The following ARHGEF38 variants were observed in gnomAD, a reference collection of about 807,000 sequenced individuals.
ARHGEF38 encodes the protein Rho guanine nucleotide exchange factor 38, also known as Rho guanine nucleotide exchange factor (GEF) 38.
In ARHGEF38, 79 loss-of-function variants were observed where a neutral mutation model predicts 79.9. That is an observed-to-expected ratio of 0.99 (90% CI 0.82 to 1.19). The LOEUF (loss-of-function observed/expected upper bound fraction) is 1.19. Ranked by LOEUF, ARHGEF38 falls within the 50% of genes most tolerant of loss-of-function variation. The pLI is 0.00. For synonymous variants in ARHGEF38, 366 were observed against 328.3 expected, an observed-to-expected ratio of 1.11 and a Z score of -1.24; for missense variants, 962 against 907.2, an observed-to-expected ratio of 1.06 and a Z score of -0.78.
At chr4:105,587,329 C>A (rs1727101306) in intron 1 of ARHGEF38, among the ~76,000 whole-genome samples, 1 of 152,122 alleles carries the variant, frequency 6.6e-6, no homozygotes, top group African/African-American at 2.4e-5. Context: ...AACAAAAAAA[C>A]AAATTAGCAA....
chr4:105,619,192 G>T (rs965342682), intron 3 of ARHGEF38, among the ~76,000 whole-genome samples: 2 of 151,842 alleles, frequency 1.3e-5, no homozygotes, highest in African/African-American at 4.8e-5. Context: ...ATCTGGGCTG[G>T]CCTTGCGACT....
intron 2 of ARHGEF38, among the ~76,000 whole-genome samples, chr4:105,605,709 C>T (rs7681991): frequency 1.3e-5 from 2 of 151,974 alleles, no homozygotes; most frequent in Admixed American, 6.6e-5. Context: ...TACCCTGAAA[C>T]GCTTTGTAAT....
At chr4:105,649,740 G>T (rs372385032) in intron 7 of ARHGEF38, among the ~76,000 whole-genome samples, 20 of 152,274 alleles carry the variant, frequency 1.3e-4, no homozygotes, top group African/African-American at 4.8e-4. Flanking sequence ...AGTCTTTGCA[G>T]CTTTCCAACC....
In ARHGEF38 at chr4:105,645,204, T is replaced by C. The variant is rs1431084929; in HGVS notation, c.691T>C (p.Leu231=). The part of the protein sequence containing the change: ...IYMQEGKPNL[L]DMGSLMIKPI... The stretch of plus-strand genomic sequence containing the variant: ...GTATTGTAGAGGCAAACCAAACTTA[T>C]TGGACATGGGCTCTTTGATGATCAA... Residue 231 remains leucine, a synonymous_variant, in exon 6 of 14, where the codon TTG becomes CTG. Coordinates refer to ENST00000420470, the MANE Select transcript of ARHGEF38 (RefSeq NM_001242729.2). 6.6e-6 allele frequency: 10 copies of C among 1,515,952 alleles called. No homozygotes were observed. The highest frequency in any genetic ancestry group is 2.1e-5 in the Admixed American group (1 of 47,470). The allele number at this position is 1,515,952 out of a possible 1,614,324, so 93.9% of individuals were successfully genotyped here. A position where few individuals can be genotyped will look rare whatever the true frequency, so the allele number is the denominator to read the frequency against.
At chr4:105,588,702 A>C (rs539927313) in intron 1 of ARHGEF38, among the ~76,000 whole-genome samples, 9 of 152,330 alleles carry the variant, frequency 5.9e-5, no homozygotes, top group African/African-American at 2.2e-4. Context: ...AAATTTATTT[A>C]ATCCACCACT....
intron 10 of ARHGEF38, among the ~76,000 whole-genome samples, chr4:105,661,787 C>T (rs1308287014): frequency 1.3e-5 from 2 of 152,176 alleles, no homozygotes; most frequent in Non-Finnish European, 2.9e-5. Flanking sequence ...TTTTTCTAAC[C>T]TGTATTACCA....
At chr4:105,594,552 T>A (rs1271996496) in intron 2 of ARHGEF38, among the ~76,000 whole-genome samples, 1 of 152,052 alleles carries the variant, frequency 6.6e-6, no homozygotes, top group African/African-American at 2.4e-5. Context: ...CTCAGACCAC[T>A]CCCAGTAAAA....
At chr4:105,665,316 A>G (rs1203561305) in intron 10 of ARHGEF38, among the ~76,000 whole-genome samples, 1 of 151,928 alleles carries the variant, frequency 6.6e-6, no homozygotes, top group Non-Finnish European at 1.5e-5. Context: ...AACATGGTGA[A>G]ACCCCGTCTC....
intron 2 of ARHGEF38, among the ~76,000 whole-genome samples, chr4:105,606,885 C>T (rs1489105745): frequency 6.6e-6 from 1 of 152,080 alleles, no homozygotes. Flanking sequence ...GGTAGAATTA[C>T]AGGTGACTGT....
At chr4:105,681,800 A>G (rs1731320112), downstream of ARHGEF38, among the ~76,000 whole-genome samples, 1 of 152,220 alleles carries the variant, frequency 6.6e-6, no homozygotes, top group African/African-American at 2.4e-5. Context: ...AACAATCTCA[A>G]GAATTAATCA....
chr4:105,660,455 G>A lies in ARHGEF38; in HGVS notation c.1545+1090G>A, dbSNP rs117669772. ...CATTCTTTTTTTTTTTTTTGGTGGG[G>A]GGGGATGGAGTTTCACTTTTGTTGC... On this transcript the variant is annotated intron_variant, in intron 10 of 13. Transcript: ENST00000420470. Among the ~76,000 whole-genome samples, 203 of 150,420 alleles carry A rather than the reference G, an allele frequency of 1.3e-3. 4 individuals are homozygous for A. In the East Asian group the frequency reaches 0.034, roughly 25 times the overall value.
Position 105,667,484 on chromosome 4 carries a change from C to T in ARHGEF38, c.1929C>T (p.Tyr643=), listed in dbSNP as rs1730794988. 6.5e-7 allele frequency: 1 copy of T among 1,536,286 alleles called. No homozygotes were observed. Among genetic ancestry groups the T allele is most frequent in the South Asian group, 1.2e-5 (1 of 84,058 alleles). ...TTTATTCCTCCTTCCTAAAACCCTA[C>T]AATCCAGCAAAAATGCAGAAAGTGG... ...GYVYSSFLKP[Y]NPAKMQKVDA... is the part of the protein sequence containing the mutation. The change falls in exon 13 of 14, where the codon TAC becomes TAT. Residue 643 remains tyrosine, a synonymous_variant. Coordinates refer to ENST00000420470, the MANE Select transcript of ARHGEF38 (RefSeq NM_001242729.2).
chr4:105,572,979 C>A (rs1726309640), intron 1 of ARHGEF38, among the ~76,000 whole-genome samples: 2 of 152,144 alleles, frequency 1.3e-5, no homozygotes, highest in Non-Finnish European at 2.9e-5. Flanking sequence ...GCTTTTCCCT[C>A]ATGATTAGTG....
At chr4:105,569,189 A>G (rs1726095232) in intron 1 of ARHGEF38, among the ~76,000 whole-genome samples, 1 of 152,188 alleles carries the variant, frequency 6.6e-6, no homozygotes, top group Non-Finnish European at 1.5e-5. Flanking sequence ...ATTCTCAGTG[A>G]CTGCTCAGAA....
chr4:105,617,940 C>T (rs934367867), intron 3 of ARHGEF38, among the ~76,000 whole-genome samples: 2 of 151,946 alleles, frequency 1.3e-5, no homozygotes, highest in Middle Eastern at 3.2e-3. Flanking sequence ...TACCAGATTT[C>T]ACAATCTACA....
chr4:105,659,083 C>A lies in ARHGEF38; in HGVS notation c.1263C>A (p.Thr421=). The A allele has an allele frequency of 6.5e-7, 1 of 1,535,888 alleles. No individual in the cohort carries two copies. The highest frequency in any genetic ancestry group is 8.7e-7 in the Non-Finnish European group (1 of 1,146,764). ...FASHLQRLIL[T]PLSALLSLFP... ...CTCACTTACAGAGACTCATCCTGACCCCCTTGTCAGCCCTGCTGTCCTTAT... is the reference window on the plus strand; with the variant it reads ...CTCACTTACAGAGACTCATCCTGACACCCTTGTCAGCCCTGCTGTCCTTAT... The change falls in exon 10 of 14, where the codon ACC becomes ACA. Residue 421 remains threonine, a synonymous_variant. Transcript: ENST00000420470.
chr4:105,667,302 AAGC>A lies in ARHGEF38; in HGVS notation c.1866_1868del (p.Ser622del). 6.5e-7 allele frequency: 1 copy of A among 1,536,118 alleles called. No homozygotes were observed. Among genetic ancestry groups the A allele is most frequent in the Non-Finnish European group, 8.7e-7 (1 of 1,146,908 alleles). On this transcript the variant is annotated inframe_deletion, in exon 12 of 14. Transcript: ENST00000420470. ...AACAGAAAGATCCACTGGGGAGTACAAGCAGGTGGCTTGTGGACACAGGAAGTA... is the reference window on the plus strand; with the variant it reads ...AACAGAAAGATCCACTGGGGAGTACAAGGTGGCTTGTGGACACAGGAAGTA...
chr4:105,631,728 A>G (rs1729201622), intron 4 of ARHGEF38: 2 of 897,510 alleles, frequency 2.2e-6, no homozygotes, highest in African/African-American at 3.6e-5. Flanking sequence ...GATATTATTT[A>G]TATGTATAAA....
At chr4:105,646,495 A>G (rs895768936) in intron 6 of ARHGEF38, among the ~76,000 whole-genome samples, 1 of 152,230 alleles carries the variant, frequency 6.6e-6, no homozygotes, top group Non-Finnish European at 1.5e-5. Flanking sequence ...AGTAATGAAT[A>G]CGCTAAATGT....
Sources: allele counts gnomAD v4.1 joint callset (sites outside exome capture counted in the v4.1 genomes callset), GRCh38; gene constraint gnomAD v4.1.1; transcripts MANE v1.5; gene names NCBI Gene and HGNC (gene_info 2026-07-23, HGNC 2026-07-21).